Variants in GPHN observed in about 807,000 individuals in gnomAD.
The protein encoded by GPHN is gephyrin.
A neutral mutation model predicts 95.5 loss-of-function variants in GPHN; 17 were observed. That is an observed-to-expected ratio of 0.18 (90% CI 0.12 to 0.27). GPHN has a LOEUF of 0.27. GPHN is among the 10% of genes least tolerant of loss of function. GPHN has a pLI of 1.00. For missense variants in GPHN, 660 were observed against 978.1 expected (o/e 0.67, Z 4.34); for synonymous variants, 320 against 322.5 (o/e 0.99, Z 0.08).
the GPHN span, among the ~76,000 whole-genome samples, chr14:67,713,170 C>A: frequency 9.2e-5 from 14 of 151,786 alleles, no homozygotes; most frequent in Non-Finnish European, 1.3e-4. Flanking sequence ...CAAGACAAAA[C>A]CTCAATTCAG....
At chr14:66,606,438 G>A (rs942811577) in intron 1 of GPHN, among the ~76,000 whole-genome samples, 10 of 151,894 alleles carry the variant, frequency 6.6e-5, no homozygotes, top group African/African-American at 1.4e-4. Flanking sequence ...TTTTTGCTTA[G>A]TATTGCCTTG....
chr14:66,568,851 CAGT>C (rs1444084954), intron 1 of GPHN, among the ~76,000 whole-genome samples: 1 of 151,934 alleles, frequency 6.6e-6, no homozygotes, highest in African/African-American at 2.4e-5. Flanking sequence ...ATTTTCAACT[CAGT>C]GGGATAATTA....
chr14:67,045,777 GTCTC>G (rs563944184), intron 10 of GPHN, among the ~76,000 whole-genome samples: 6 of 148,380 alleles, frequency 4.0e-5, no homozygotes, highest in Non-Finnish European at 7.5e-5. Context: ...CTCTGTCACT[GTCTC>G]TCTCTCTGTG....
intron 18 of GPHN, among the ~76,000 whole-genome samples, chr14:67,149,752 T>C (rs2081138863): frequency 6.6e-6 from 1 of 152,174 alleles, no homozygotes; most frequent in East Asian, 1.9e-4. Context: ...TATGTAACCA[T>C]TTTAGCAGAC....
At chr14:67,356,931 T>C in the GPHN span, among the ~76,000 whole-genome samples, 1 of 152,236 alleles carries the variant, frequency 6.6e-6, no homozygotes, top group African/African-American at 2.4e-5. Flanking sequence ...ATTGTAGTAC[T>C]GCATATTCCA....
At chr14:66,864,547 CAG>C (rs1287132647) in intron 4 of GPHN, among the ~76,000 whole-genome samples, 1 of 152,108 alleles carries the variant, frequency 6.6e-6, no homozygotes, top group Non-Finnish European at 1.5e-5. Flanking sequence ...CCAAGACAGG[CAG>C]ATCACCTGAG....
At chr14:67,102,213 C>T (rs560975830) in intron 13 of GPHN, among the ~76,000 whole-genome samples, 2 of 151,980 alleles carry the variant, frequency 1.3e-5, no homozygotes, top group Admixed American at 1.3e-4. Context: ...TCTGTCAATC[C>T]GGTGAGTTAC....
At chr14:67,450,105 A>T in the GPHN span, 4 of 135,906 alleles carry the variant, frequency 2.9e-5, no homozygotes, top group African/African-American at 1.2e-4. Context: ...TGTTCTGCAC[A>T]ATCTCTTTTT....
the GPHN span, among the ~76,000 whole-genome samples, chr14:67,529,958 CT>C: frequency 5.4e-4 from 82 of 152,164 alleles, no homozygotes; most frequent in African/African-American, 1.8e-3. Context: ...TGATTTGAGG[CT>C]TTTTTGGTGA....
At chr14:67,045,044 A>G (rs1172453536) in intron 10 of GPHN, among the ~76,000 whole-genome samples, 4 of 152,222 alleles carry the variant, frequency 2.6e-5, no homozygotes, top group Admixed American at 6.5e-5. Flanking sequence ...GGTATTACCT[A>G]TTAATAAAGA....
chr14:67,617,202 G>A, the GPHN span: 2 of 152,112 alleles, frequency 1.3e-5, no homozygotes, highest in African/African-American at 4.8e-5. Context: ...TTAGAGACAG[G>A]GTCTTGCTCT....
chr14:67,202,057 G>A, the GPHN span, among the ~76,000 whole-genome samples: 1,613 of 152,292 alleles, frequency 0.011, 28 homozygotes, highest in African/African-American at 0.036. Flanking sequence ...AGACTTCCAT[G>A]AGTCCATATC....
At chr14:67,037,652 A>G (rs1744438362) in intron 10 of GPHN, among the ~76,000 whole-genome samples, 1 of 151,994 alleles carries the variant, frequency 6.6e-6, no homozygotes, top group Non-Finnish European at 1.5e-5. Context: ...TTGAATAGAC[A>G]TAACTCAAAG....
At chr14:67,406,980 G>A in the GPHN span, among the ~76,000 whole-genome samples, 2 of 152,124 alleles carry the variant, frequency 1.3e-5, no homozygotes, top group Non-Finnish European at 2.9e-5. Context: ...CTGAAGCAGG[G>A]GGTGCTTGGA....
At chr14:67,706,511 T>TGGAAA in the GPHN span, among the ~76,000 whole-genome samples, 1 of 152,100 alleles carries the variant, frequency 6.6e-6, no homozygotes, top group African/African-American at 2.4e-5. Flanking sequence ...CGGTTTGGTC[T>TGGAAA]GGAAAGGAGG....
chr14:66,652,773 C>T (rs980787437), intron 1 of GPHN, among the ~76,000 whole-genome samples: 1 of 152,118 alleles, frequency 6.6e-6, no homozygotes, highest in Non-Finnish European at 1.5e-5. Context: ...GAGAAGCATA[C>T]AGATCAGACA....
At chr14:67,473,927 G>A in the GPHN span, 8 of 1,594,732 alleles carry the variant, frequency 5.0e-6, no homozygotes, top group South Asian at 4.5e-5. The surrounding 1 kb of genome is among the most constrained non-coding windows in gnomAD (Gnocchi z 6.5). Context: ...ACGCCATGGC[G>A]CCGACTGGGG....
At position 67,021,440 on chromosome 14, in the gene GPHN, T is replaced by C. The variant is rs115006557; in HGVS notation, c.964-2193T>C. 5.5e-3 allele frequency among the ~76,000 whole-genome samples: 841 copies of C among 152,260 alleles called. 3 individuals carry two copies. The highest frequency in any genetic ancestry group is 0.019 in the African/African-American group (801 of 41,572). On this transcript the variant is annotated intron_variant, in intron 9 of 22. Transcript: ENST00000478722. ...TTCTCCACCAAAGCTGTTTGAAATA[T>C]GTAGTTCTAAACTGAGGTGCCACAA...
At chr14:67,610,799 C>T in the GPHN span, among the ~76,000 whole-genome samples, 1 of 152,278 alleles carries the variant, frequency 6.6e-6, no homozygotes, top group South Asian at 2.1e-4. Context: ...TACCAAAGTA[C>T]CCTTAAAAAA....
Sources: gnomAD v4.1 joint callset for allele counts (sites outside exome capture counted in the v4.1 genomes callset) on GRCh38, gnomAD v4.1.1 for gene constraint, Gnocchi (gnomAD v3.1) non-coding constraint, MANE v1.5 for transcripts, NCBI Gene and HGNC (gene_info 2026-07-23, HGNC 2026-07-21) for gene names.